MICAL2: variants seen among roughly 807,000 people sequenced by gnomAD.
MICAL2 encodes microtubule associated monooxygenase, calponin and LIM domain containing 2, also known as [F-actin]-monooxygenase MICAL2.
Under a neutral mutation model 127.3 loss-of-function variants are expected in MICAL2, and 77 were observed. The observed-to-expected ratio is 0.60, with a 90% confidence interval of 0.50 to 0.73. MICAL2 has a LOEUF of 0.73. Ranked by LOEUF, MICAL2 falls within the 30% of genes least tolerant of loss-of-function variation. The pLI, the probability that MICAL2 is intolerant of heterozygous loss-of-function variation, is 0.00. For synonymous variants in MICAL2, 570 were observed against 551.1 expected, an observed-to-expected ratio of 1.03 and a Z score of -0.48; for missense variants, 1,351 against 1,434.4, an observed-to-expected ratio of 0.94 and a Z score of 0.94.
chr11:12,315,216 T>C (rs1005690692), intron 29 of MICAL2, among the ~76,000 whole-genome samples: 1 of 152,236 alleles, frequency 6.6e-6, no homozygotes, highest in Middle Eastern at 3.2e-3. Flanking sequence ...TTGTCAGTCT[T>C]ATTTTTACTT....
At chr11:12,328,597 T>G (rs1864380670) in intron 32 of MICAL2, among the ~76,000 whole-genome samples, 1 of 152,056 alleles carries the variant, frequency 6.6e-6, no homozygotes, top group Non-Finnish European at 1.5e-5. Context: ...CCAGTAGGGG[T>G]GTGGCTCATG....
At chr11:12,134,631 A>T (rs16910591) in intron 1 of MICAL2, among the ~76,000 whole-genome samples, 6,668 of 152,258 alleles carry the variant, frequency 0.044, 495 homozygotes, top group African/African-American at 0.15. Flanking sequence ...TAAAGCAGGC[A>T]CTTGTTGAGG....
intron 29 of MICAL2, among the ~76,000 whole-genome samples, chr11:12,315,022 TTTAGTG>T (rs1864217702): frequency 6.6e-6 from 1 of 152,122 alleles, no homozygotes; most frequent in African/African-American, 2.4e-5. Flanking sequence ...TGGCATTCCT[TTTAGTG>T]TGAGTCTGCT....
At chr11:12,129,058 A>G (rs1564999787) in intron 1 of MICAL2, among the ~76,000 whole-genome samples, 1 of 152,190 alleles carries the variant, frequency 6.6e-6, no homozygotes, top group African/African-American at 2.4e-5. Context: ...ATCATTCTGT[A>G]ACACATTCTG....
chr11:12,268,983 G>A (rs1375369749), intron 24 of MICAL2, among the ~76,000 whole-genome samples: 2 of 152,018 alleles, frequency 1.3e-5, no homozygotes, highest in Non-Finnish European at 2.9e-5. Context: ...TCGGCGACGA[G>A]CGAGACTCCG....
rs1017371276 is a variant in MICAL2, at chr11:12,162,292, A to G, written c.137A>G (p.His46Arg). 3 of 1,614,138 alleles carry G rather than the reference A, an allele frequency of 1.9e-6. No homozygotes were observed. The African/African-American group carries it at 4.0e-5, about 22-fold the overall frequency. Reference sequence around the variant, plus strand: ...CACCTGGACCTAGACCCTCTGGACCACAGAAACTTTTATTCCAAGCTCAAG... The same window carrying G: ...CACCTGGACCTAGACCCTCTGGACCGCAGAAACTTTTATTCCAAGCTCAAG... ...TRHLDLDPLD[H>R]RNFYSKLKSK... is the part of the protein sequence containing the mutation. The change falls in exon 3 of 28, where the codon CAC becomes CGC. Residue 46 changes from histidine to arginine, a missense_variant. By Grantham distance (29) the His-to-Arg change is conservative (BLOSUM62 0). Around this residue, in one of 2 missense-constraint regions of MICAL2, gnomAD observed 599 missense variants for 714.9 expected, o/e 0.84. Coordinates refer to ENST00000683283, the MANE Select transcript of MICAL2 (RefSeq NM_001282663.2).
At chr11:12,224,262 A>T (rs1857149273) in intron 12 of MICAL2, among the ~76,000 whole-genome samples, 1 of 152,106 alleles carries the variant, frequency 6.6e-6, no homozygotes, top group Admixed American at 6.5e-5. Flanking sequence ...CCTCCCCATT[A>T]CACTTTTCTT....
intron 1 of MICAL2, among the ~76,000 whole-genome samples, chr11:12,134,076 G>A (rs1264865388): frequency 1.3e-5 from 2 of 152,202 alleles, no homozygotes; most frequent in Non-Finnish European, 2.9e-5. Context: ...GTTAGTTATT[G>A]ACCTTCATGA....
rs762562986 is a variant in MICAL2, at chr11:12,249,242, C to T, written c.2843C>T (p.Pro948Leu). The change falls in exon 22 of 28, where the codon CCT (proline) becomes CTT (leucine). Residue 948 changes from proline to leucine, a missense_variant. This residue lies in a region of MICAL2 where 752 missense variants were observed against 719.4 expected (regional missense o/e 1.05). Transcript: ENST00000683283. ...FHPSHLRTVHPQLTVGKVSSG... is the reference protein window; with the variant it reads ...FHPSHLRTVHLQLTVGKVSSG... ...CCCAGCCATTTGAGAACAGTGCATCCTCAGGTGAGTTAGAGCCTCCCTGAA... is the reference window on the plus strand; with the variant it reads ...CCCAGCCATTTGAGAACAGTGCATCTTCAGGTGAGTTAGAGCCTCCCTGAA... 1.3e-6 allele frequency: 2 copies of T among 1,576,164 alleles called. No individual in the cohort carries two copies. The highest frequency in any genetic ancestry group is 2.2e-5 in the South Asian group (2 of 90,140).
intron 18 of MICAL2, 30 bp from the exon 19 acceptor site, chr11:12,242,184 G>A: frequency 6.4e-7 from 1 of 1,562,606 alleles, no homozygotes; most frequent in Middle Eastern, 1.7e-4. Flanking sequence ...CCGCAGTAGG[G>A]AAGGAAGCTT....
At chr11:12,120,668 CAA>C (rs2133465981) in intron 1 of MICAL2, among the ~76,000 whole-genome samples, 1 of 152,244 alleles carries the variant, frequency 6.6e-6, no homozygotes, top group South Asian at 2.1e-4. Flanking sequence ...GGTAACAGCA[CAA>C]AGAGATGTAG....
intron 30 of MICAL2, among the ~76,000 whole-genome samples, chr11:12,323,397 A>G (rs1864321742): frequency 1.3e-5 from 2 of 152,094 alleles, no homozygotes. Flanking sequence ...ACTCAACCTA[A>G]GCACTATTTA....
At chr11:12,292,386 G>T, downstream of MICAL2, 5 of 1,421,192 alleles carry the variant, frequency 3.5e-6, no homozygotes, top group Middle Eastern at 1.8e-4. Context: ...TGGATTCCAC[G>T]TGCTCATAGG....
At chr11:12,359,542 A>G (rs1327453782), downstream of MICAL2, among the ~76,000 whole-genome samples, 1 of 152,084 alleles carries the variant, frequency 6.6e-6, no homozygotes, top group Non-Finnish European at 1.5e-5. Flanking sequence ...ACTTAGAGGG[A>G]GGGCTGAATG....
intron 3 of MICAL2, among the ~76,000 whole-genome samples, chr11:12,200,250 G>A (rs1238847344): frequency 1.3e-5 from 2 of 152,214 alleles, no homozygotes; most frequent in Admixed American, 6.5e-5. Flanking sequence ...TCATGGGAGC[G>A]CGGGGCAGGA....
At chr11:12,127,834 G>A (rs1851072387) in intron 1 of MICAL2, among the ~76,000 whole-genome samples, 1 of 152,138 alleles carries the variant, frequency 6.6e-6, no homozygotes, top group Non-Finnish European at 1.5e-5. Context: ...AGGAGGAGAT[G>A]ACCACTGTAG....
chr11:12,234,623 T>C (rs1858766838), intron 15 of MICAL2, among the ~76,000 whole-genome samples: 1 of 152,188 alleles, frequency 6.6e-6, no homozygotes. Flanking sequence ...TGGGGCAAAT[T>C]TTTGAACAAA....
At chr11:12,164,355 G>T (rs1198141791) in intron 3 of MICAL2, among the ~76,000 whole-genome samples, 1 of 152,144 alleles carries the variant, frequency 6.6e-6, no homozygotes, top group East Asian at 1.9e-4. Context: ...CGTAAAAACC[G>T]CCTGAATGCT....
intron 17 of MICAL2, 104 bp from the exon 18 acceptor site, chr11:12,240,936 C>G: frequency 1.4e-6 from 2 of 1,440,590 alleles, no homozygotes; most frequent in Non-Finnish European, 1.9e-6. Flanking sequence ...CAACCTTCGT[C>G]TCCCTGCTCC....
Sources: allele counts gnomAD v4.1 joint callset (sites outside exome capture counted in the v4.1 genomes callset), GRCh38; gene constraint gnomAD v4.1.1; regional missense constraint gnomAD v4.1.1; transcripts MANE v1.5; gene names NCBI Gene and HGNC (gene_info 2026-07-23, HGNC 2026-07-21).